Variants in PLD1 observed in about 807,000 individuals in gnomAD.
PLD1 encodes the protein phospholipase D1.
In PLD1, 112 loss-of-function variants were observed where a neutral mutation model predicts 137.1. The observed-to-expected ratio is 0.82, with a 90% confidence interval of 0.70 to 0.96. The LOEUF is 0.96. Ranked by LOEUF, PLD1 falls within the 40% of genes least tolerant of loss-of-function variation. The pLI is 0.00. For synonymous variants in PLD1, 431 were observed against 454.7 expected (o/e 0.95, Z 0.66); for missense variants, 1,321 against 1,342.0 (o/e 0.98, Z 0.24).
Position 171,750,508 on chromosome 3 carries a change from A to C in PLD1, c.-31-12426T>G, listed in dbSNP as rs535193330. Among the ~76,000 whole-genome samples the C allele has an allele frequency of 2.6e-5, 4 of 152,336 alleles. No individual in the cohort carries two copies. In the East Asian group the frequency reaches 7.7e-4, roughly 29 times the overall value. ...AAGAAATAATGATAAAAAATTCATT[A>C]AATTTGGTGAAAGAAATAAATTTAC... is the stretch of plus-strand genomic sequence containing the variant. On this transcript the variant is annotated intron_variant, in intron 1 of 26. Coordinates refer to ENST00000351298, the MANE Select transcript of PLD1 (RefSeq NM_002662.5).
rs923903464 is a variant in PLD1, at chr3:171,609,507, A to C, written c.2882+2772T>G. Among the ~76,000 whole-genome samples, 7 of 136,964 alleles carry C rather than the reference A, an allele frequency of 5.1e-5. 1 individual carries two copies. Among genetic ancestry groups the C allele is most frequent in the African/African-American group, 1.9e-4 (7 of 36,388 alleles). The allele number at this position is 136,964 out of a possible 152,430, so 89.9% of individuals were successfully genotyped here. On this transcript the variant is annotated intron_variant, in intron 25 of 26. Transcript: ENST00000351298. ...CCTGAGCAGACAATTACATAAAGAA[A>C]ACACACACACACACACACACACACA...
At chr3:171,752,716 A>T (rs1560278518) in intron 1 of PLD1, among the ~76,000 whole-genome samples, 1 of 152,384 alleles carries the variant, frequency 6.6e-6, no homozygotes, top group Middle Eastern at 3.4e-3. Flanking sequence ...GAAATGAATT[A>T]CATAACCAGT....
intron 25 of PLD1, among the ~76,000 whole-genome samples, chr3:171,610,189 T>A (rs1424894355): frequency 6.6e-6 from 1 of 152,100 alleles, no homozygotes; most frequent in Non-Finnish European, 1.5e-5. Flanking sequence ...AACATACCCA[T>A]TTTTTTATAT....
chr3:171,646,871 C>T (rs528918832), intron 21 of PLD1, among the ~76,000 whole-genome samples: 12 of 152,248 alleles, frequency 7.9e-5, no homozygotes, highest in Admixed American at 7.8e-4. Flanking sequence ...GAGACTACCA[C>T]CCTTTGTTCA....
chr3:171,722,713 G>A (rs1168789748), intron 8 of PLD1, among the ~76,000 whole-genome samples: 2 of 151,894 alleles, frequency 1.3e-5, no homozygotes, highest in South Asian at 2.1e-4. Context: ...ATCATAAAAC[G>A]TACCTTTTAA....
chr3:171,797,993 T>TAACA (rs992386615), intron 1 of PLD1, among the ~76,000 whole-genome samples: 12 of 152,148 alleles, frequency 7.9e-5, no homozygotes, highest in African/African-American at 2.7e-4. Flanking sequence ...AAACAATAGA[T>TAACA]AACAGTTAAG....
intron 1 of PLD1, among the ~76,000 whole-genome samples, chr3:171,790,618 T>C (rs750757084): frequency 1.3e-5 from 2 of 152,176 alleles, no homozygotes; most frequent in Non-Finnish European, 2.9e-5. Context: ...GAGATGTAAT[T>C]GGGAGTACTG....
At position 171,603,106 on chromosome 3, in the gene PLD1, G is replaced by A. The variant is rs570930487; in HGVS notation, c.3197C>T (p.Ala1066Val). Residue 1066 changes from alanine (A) to valine (V), a missense_variant, in exon 27 of 27, where the codon GCC becomes GTC. Ala to Val is a moderately conservative substitution (Grantham distance 64, BLOSUM62 0). Transcript: ENST00000351298. Reference sequence around the variant, plus strand: ...AGTCCAAACCTCCATGGGCACTATGGCCTCTTTGGTCCCAACAGAAGGCAG... The same window carrying A: ...AGTCCAAACCTCCATGGGCACTATGACCTCTTTGGTCCCAACAGAAGGCAG... ...SLLPSVGTKE[A>V]IVPMEVWT The A allele has an allele frequency of 6.2e-7, 1 of 1,613,802 alleles. No individual in the cohort carries two copies. Among genetic ancestry groups the A allele is most frequent in the Non-Finnish European group, 8.5e-7 (1 of 1,179,880 alleles).
rs770196335 is a variant in PLD1 at position 171,792,527 on chromosome 3, G to A, written c.-32+17872C>T. The stretch of plus-strand genomic sequence containing the variant: ...GGGGGCCCTCAGACACGAAGGTCTC[G>A]CTGAGCAAACCAGGGGACAAACCAG... On this transcript the variant is annotated intron_variant, in intron 1 of 26. Coordinates refer to ENST00000351298, the MANE Select transcript of PLD1 (RefSeq NM_002662.5). 69 of 454,610 alleles carry A rather than the reference G, an allele frequency of 1.5e-4. 1 individual carries two copies. The highest frequency in any genetic ancestry group is 6.6e-5 in the Non-Finnish European group (15 of 225,728). 28.2% of individuals were successfully genotyped at this position (454,610 alleles called of 1,614,324 possible).
intron 25 of PLD1, among the ~76,000 whole-genome samples, chr3:171,605,794 G>A (rs748759199): frequency 6.6e-6 from 1 of 152,148 alleles, no homozygotes. Context: ...CTAAAGTCTC[G>A]AGGCACACTA....
chr3:171,705,522 C>T (rs7619079), intron 11 of PLD1, among the ~76,000 whole-genome samples: 12,637 of 152,076 alleles, frequency 0.083, 1,570 homozygotes, highest in African/African-American at 0.27. Context: ...CCTCCTACAA[C>T]TAAATAAGAA....
chr3:171,675,021 T>C (rs2108475513), intron 18 of PLD1, among the ~76,000 whole-genome samples: 1 of 149,180 alleles, frequency 6.7e-6, no homozygotes, highest in South Asian at 2.2e-4. Context: ...GAAAAGAAAT[T>C]CAGGTTAATT....
At chr3:171,681,667 G>A (rs371977882) in intron 16 of PLD1, among the ~76,000 whole-genome samples, 1 of 152,092 alleles carries the variant, frequency 6.6e-6, no homozygotes, top group Non-Finnish European at 1.5e-5. Flanking sequence ...TTTCGTCTGT[G>A]GATCAATGAT....
chr3:171,608,018 A>T (rs1223425170), intron 25 of PLD1, among the ~76,000 whole-genome samples: 1 of 152,236 alleles, frequency 6.6e-6, no homozygotes, highest in African/African-American at 2.4e-5. Flanking sequence ...GTTTCCTAAT[A>T]AAAAGAGGCT....
intron 20 of PLD1, among the ~76,000 whole-genome samples, chr3:171,660,884 C>T (rs1737614709): frequency 6.6e-6 from 1 of 152,134 alleles, no homozygotes; most frequent in African/African-American, 2.4e-5. Flanking sequence ...GCTGGGATTA[C>T]AGGCATGAGC....
chr3:171,615,249 T>C (rs1439770789), intron 24 of PLD1, among the ~76,000 whole-genome samples: 1 of 152,178 alleles, frequency 6.6e-6, no homozygotes, highest in Non-Finnish European at 1.5e-5. Flanking sequence ...CAATAGTAGG[T>C]GCTTTTCAGT....
chr3:171,632,615 AT>A (rs986316312), intron 23 of PLD1, among the ~76,000 whole-genome samples: 38 of 152,210 alleles, frequency 2.5e-4, no homozygotes, highest in Non-Finnish European at 4.6e-4. Context: ...CTACATCTAT[AT>A]ATGAATGTAT....
chr3:171,753,974 A>G (rs991875695), intron 1 of PLD1, among the ~76,000 whole-genome samples: 1 of 152,020 alleles, frequency 6.6e-6, no homozygotes, highest in African/African-American at 2.4e-5. Context: ...CTCCAACCCC[A>G]TCTTTGCCTG....
intron 1 of PLD1, among the ~76,000 whole-genome samples, chr3:171,775,704 G>A (rs1206473306): frequency 2.6e-5 from 4 of 152,060 alleles, no homozygotes; most frequent in African/African-American, 7.2e-5. Context: ...TTAGCCGGGC[G>A]TGGTGGCACA....
Sources: gnomAD v4.1 joint callset for allele counts (sites outside exome capture counted in the v4.1 genomes callset) on GRCh38, gnomAD v4.1.1 for gene constraint, MANE v1.5 for transcripts, NCBI Gene and HGNC (gene_info 2026-07-23, HGNC 2026-07-21) for gene names.